Variants in SURF1 observed in about 807,000 individuals in gnomAD.
SURF1 encodes surfeit locus protein 1.
SURF1 carries 45 observed loss-of-function variants against 34.1 expected under a neutral mutation model. That is an observed-to-expected ratio of 1.32 (90% CI 1.04 to 1.69). SURF1 has a LOEUF of 1.69. Ranked by LOEUF, SURF1 falls within the 40% of genes most tolerant of loss-of-function variation. The probability of loss-of-function intolerance (pLI) is 0.00; values close to 1 mark genes in which losing one functional copy is unlikely to be tolerated. For missense variants in SURF1, 456 were observed against 384.6 expected (o/e 1.19, Z -1.55); for synonymous variants, 188 against 147.5 (o/e 1.27, Z -1.99).
In SURF1 at chr9:133,356,324, C is replaced by G. The variant is rs2130025367; in HGVS notation, c.55-4G>C. 110 of 1,514,186 alleles carry G rather than the reference C, an allele frequency of 7.3e-5. No homozygotes were observed. The highest frequency in any genetic ancestry group is 3.2e-4 in the Admixed American group (16 of 49,240). The allele number at this position is 1,514,186 out of a possible 1,614,324, so 93.8% of individuals were successfully genotyped here. A position where few individuals can be genotyped will look rare whatever the true frequency, so the allele number is the denominator to read the frequency against. Reference sequence around the variant, plus strand: ...TCCAGGCGGCGCTGGCCGGGGCCTGCGGACACGGACGGGCGGGCTGAGCTC... The same window carrying G: ...TCCAGGCGGCGCTGGCCGGGGCCTGGGGACACGGACGGGCGGGCTGAGCTC... On this transcript the variant is annotated splice_polypyrimidine_tract_variant and splice_region_variant and intron_variant, in intron 1 of 8. Coordinates refer to ENST00000371974, the MANE Select transcript of SURF1 (RefSeq NM_003172.4).
Position 133,356,391 on chromosome 9 carries a change from G to A in SURF1, c.54+9C>T. 5.0e-6 allele frequency: 2 copies of A among 397,058 alleles called. No individual in the cohort carries two copies. Among genetic ancestry groups the A allele is most frequent in the Non-Finnish European group, 7.3e-6 (2 of 272,870 alleles). The allele number at this position is 397,058 out of a possible 1,614,324, so 24.6% of individuals were successfully genotyped here. ...GCCCCGCACCCCGCACCCCGCACCC[G>A]GCGCTCACCCGTCCCAGCCCCGCCG... On this transcript the variant is annotated intron_variant, in intron 1 of 8. Coordinates refer to ENST00000371974, the MANE Select transcript of SURF1 (RefSeq NM_003172.4).
At chr9:133,353,092 C>A (rs1413013984) in intron 5 of SURF1, among the ~76,000 whole-genome samples, 1 of 152,220 alleles carries the variant, frequency 6.6e-6, no homozygotes, top group African/African-American at 2.4e-5. Flanking sequence ...CCCCACACCT[C>A]TCCCCTGAAC....
At position 133,351,979 on chromosome 9, in the gene SURF1, A is replaced by G. The variant is rs1836425462; in HGVS notation, c.837T>C (p.Tyr279=). ...GGTAGGATGTAGCTGCAGAGAGTCC[A>G]TACCTAGGGGTTGAAAGCAAGCCAG... ...NEHLQYIVTW[Y]GLSAATSYLW... is the part of the protein sequence containing the mutation. Residue 279 remains tyrosine (Y), a synonymous_variant, in exon 9 of 9, where the codon TAT becomes TAC. Coordinates refer to ENST00000371974, the MANE Select transcript of SURF1 (RefSeq NM_003172.4). The G allele has an allele frequency of 1.9e-6, 3 of 1,613,908 alleles. No homozygotes were observed. The highest frequency in any genetic ancestry group is 2.5e-6 in the Non-Finnish European group (3 of 1,179,954).
Position 133,353,829 on chromosome 9 carries a change from C to T in SURF1, c.435G>A (p.Glu145=), listed in dbSNP as rs2130014852. ...MPRTMVDPVR[E]AREGGLISSS... ...AGGAGATGAGGCCGCCCTCCCGGGC[C>T]TCCCGGACAGGGTCCACCATGGTCC... The change falls in exon 5 of 9, where the codon GAG becomes GAA. Residue 145 remains glutamate, a synonymous_variant. Coordinates refer to ENST00000371974, the MANE Select transcript of SURF1 (RefSeq NM_003172.4). 3 of 1,613,856 alleles carry T rather than the reference C, an allele frequency of 1.9e-6. No individual in the cohort carries two copies. The African/African-American group carries it at 4.0e-5, about 22-fold the overall frequency.
Position 133,353,911 on chromosome 9 carries a change from C to T in SURF1, c.353G>A (p.Arg118Lys), listed in dbSNP as rs2130015353. ...AAAGCACCCCCTGACCTTCACTGGC[C>T]TATACTCCAGATTTTTCAGTTCCAT... Reference protein sequence around the residue: ...DPMELKNLEYRPVKVRGCFDH... With the variant: ...DPMELKNLEYKPVKVRGCFDH... Residue 118 changes from arginine (R) to lysine (K), a missense_variant, in exon 5 of 9, where the codon AGG becomes AAG. Coordinates refer to ENST00000371974, the MANE Select transcript of SURF1 (RefSeq NM_003172.4). 1 of 1,613,904 alleles carries T rather than the reference C, an allele frequency of 6.2e-7. No homozygotes were observed.
intron 7 of SURF1, 81 bp from the exon 8 acceptor site, chr9:133,352,223 G>T: frequency 1.4e-6 from 2 of 1,456,222 alleles, no homozygotes; most frequent in Admixed American, 3.9e-5. Context: ...TCATTTTTGC[G>T]TGGCCAGTTG....
intron 7 of SURF1, 67 bp downstream of exon 7, chr9:133,352,379 A>C: frequency 6.2e-7 from 1 of 1,610,800 alleles, no homozygotes; most frequent in African/African-American, 1.3e-5. Context: ...CTGGGCAATG[A>C]GGGTTAGGAG....
chr9:133,354,971 C>T lies in SURF1; in HGVS notation c.107-14G>A, dbSNP rs2130020074. 17 of 1,612,650 alleles carry T rather than the reference C, an allele frequency of 1.1e-5. No individual in the cohort carries two copies. The highest frequency in any genetic ancestry group is 3.3e-5 in the Admixed American group (2 of 60,004). On this transcript the variant is annotated splice_polypyrimidine_tract_variant and intron_variant, in intron 2 of 8. Transcript: ENST00000371974. ...TCCAGGCCACCCCTGGAGAGTTTCA[C>T]AACACTGACATGGAGCCAGAAGCCC...
In SURF1 at chr9:133,356,257, T is replaced by C. The variant is rs1255712988; in HGVS notation, c.106+12A>G. On this transcript the variant is annotated intron_variant, in intron 2 of 8. Coordinates refer to ENST00000371974, the MANE Select transcript of SURF1 (RefSeq NM_003172.4). The stretch of plus-strand genomic sequence containing the variant: ...CAGGCGCCTGGATCACAGCCCGGCC[T>C]GCAGCCCTCACCTGGGCGCGGGGAG... 1.3e-6 allele frequency: 2 copies of C among 1,533,430 alleles called. No homozygotes were observed. The highest frequency in any genetic ancestry group is 1.7e-6 in the Non-Finnish European group (2 of 1,146,136). The allele number at this position is 1,533,430 out of a possible 1,614,324, so 95.0% of individuals were successfully genotyped here. A position where few individuals can be genotyped will look rare whatever the true frequency, so the allele number is the denominator to read the frequency against.
intron 5 of SURF1, among the ~76,000 whole-genome samples, 182 bp from the exon 6 acceptor site, chr9:133,352,948 GTGGT>G (rs1206618489): frequency 1.3e-5 from 2 of 152,210 alleles, no homozygotes; most frequent in Non-Finnish European, 2.9e-5. Context: ...AGGCACCTTC[GTGGT>G]TGGTAAAAGG....
Position 133,351,996 on chromosome 9 carries a change from G to C in SURF1, c.834-14C>G. ...GAGAGTCCATACCTAGGGGTTGAAA[G>C]CAAGCCAGCATTAGCAGGCTGCTAG... On this transcript the variant is annotated splice_polypyrimidine_tract_variant and intron_variant, in intron 8 of 8. Coordinates refer to ENST00000371974, the MANE Select transcript of SURF1 (RefSeq NM_003172.4). 1 of 1,613,660 alleles carries C rather than the reference G, an allele frequency of 6.2e-7. No homozygotes were observed. The highest frequency in any genetic ancestry group is 8.5e-7 in the Non-Finnish European group (1 of 1,179,852).
chr9:133,352,228 C>T (rs1836439016), intron 7 of SURF1, 86 bp from the exon 8 acceptor site: 1 of 1,433,190 alleles, frequency 7.0e-7, no homozygotes, highest in Non-Finnish European at 9.6e-7. Context: ...TTTGCGTGGC[C>T]AGTTGGAAGT....
chr9:133,352,858 A>C, intron 5 of SURF1, 92 bp from the exon 6 acceptor site: 1 of 1,369,616 alleles, frequency 7.3e-7, no homozygotes, highest in South Asian at 1.2e-5. Context: ...GAACAACTAG[A>C]GCACCAAGGA....
At chr9:133,355,835 A>T (rs1836562455) in intron 2 of SURF1, among the ~76,000 whole-genome samples, 2 of 151,684 alleles carry the variant, frequency 1.3e-5, no homozygotes, top group Admixed American at 1.3e-4. Flanking sequence ...TTTTTTTATA[A>T]AAAGGCAGGC....
chr9:133,351,929 C>T lies in SURF1; in HGVS notation c.887G>A (p.Gly296Glu), dbSNP rs1836422037. The T allele has an allele frequency of 6.2e-7, 1 of 1,613,764 alleles. No individual in the cohort carries two copies. Among genetic ancestry groups the T allele is most frequent in the South Asian group, 1.1e-5 (1 of 90,960 alleles). ...SYLWFKKFLR[G>E]TPGV Reference sequence around the variant, plus strand: ...GCTGATCTGTCACACACCAGGTGTCCCACGTAGGAATTTCTTAAACCACAG... The same window carrying T: ...GCTGATCTGTCACACACCAGGTGTCTCACGTAGGAATTTCTTAAACCACAG... Residue 296 changes from glycine (G) to glutamate (E), a missense_variant, in exon 9 of 9, where the codon GGG becomes GAG. Coordinates refer to ENST00000371974, the MANE Select transcript of SURF1 (RefSeq NM_003172.4).
Position 133,351,866 on chromosome 9 carries a change from C to T in SURF1, c.*47G>A, listed in dbSNP as rs138050767. The T allele has an allele frequency of 4.3e-4, 687 of 1,582,240 alleles. 3 individuals carry two copies. The African/African-American group carries it at 7.7e-3, about 18-fold the overall frequency. On this transcript the variant is annotated 3_prime_UTR_variant, in exon 9 of 9. Coordinates refer to ENST00000371974, the MANE Select transcript of SURF1 (RefSeq NM_003172.4). ...GCACATGATCCAGCATAAAGGCAGT[C>T]TTGAAATACTGCATTATCCAGGGAC...
chr9:133,356,281 A>T lies in SURF1; in HGVS notation c.94T>A (p.Ser32Thr). The part of the protein sequence containing the change: ...SAAWRSVLRV[S>T]PRPGVAWRPS... ...CTGCAGCCCTCACCTGGGCGCGGGG[A>T]GACCCTGAGGACGCTCCTCCAGGCG... The change falls in exon 2 of 9, where the codon TCC becomes ACC. Residue 32 changes from serine (S) to threonine (T), a missense_variant. By Grantham distance (58) the Ser-to-Thr change is moderately conservative. Transcript: ENST00000371974. The T allele has an allele frequency of 6.5e-7, 1 of 1,532,616 alleles. No homozygotes were observed. The allele number at this position is 1,532,616 out of a possible 1,614,324, so 94.9% of individuals were successfully genotyped here. A position where few individuals can be genotyped will look rare whatever the true frequency, so the allele number is the denominator to read the frequency against.
At chr9:133,352,894 G>C (rs2130010910) in intron 5 of SURF1, 128 bp from the exon 6 acceptor site, 1 of 1,069,792 alleles carries the variant, frequency 9.3e-7, no homozygotes, top group Non-Finnish European at 1.4e-6. Flanking sequence ...GGCTGGCTCA[G>C]TGGAGCCCTG....
At chr9:133,352,653 C>T (rs1836459450) in intron 6 of SURF1, 41 bp downstream of exon 6, 2 of 1,613,774 alleles carry the variant, frequency 1.2e-6, no homozygotes, top group Non-Finnish European at 1.7e-6. Flanking sequence ...TGGTGGACTC[C>T]CAGAGCCTTC....
Sources: allele counts gnomAD v4.1 joint callset (sites outside exome capture counted in the v4.1 genomes callset), GRCh38; gene constraint gnomAD v4.1.1; transcripts MANE v1.5; gene names NCBI Gene and HGNC (gene_info 2026-07-23, HGNC 2026-07-21).